The following NCAPG2 variants were observed in gnomAD, a reference collection of about 807,000 sequenced individuals.
NCAPG2 encodes condensin-2 complex subunit G2.
NCAPG2 carries 53 observed loss-of-function variants against 141.1 expected under a neutral mutation model. The ratio of observed to expected loss-of-function variants is 0.38; its 90% CI spans 0.30 to 0.47. NCAPG2 has a LOEUF of 0.47. NCAPG2 is among the 20% of genes least tolerant of loss of function. The pLI is 0.99. For missense variants in NCAPG2, 1,087 were observed against 1,389.0 expected (o/e 0.78, Z 3.46); for synonymous variants, 499 against 490.7 (o/e 1.02, Z -0.22).
chr7:158,653,378 TA>T (rs1554553485), intron 22 of NCAPG2, among the ~76,000 whole-genome samples: 48 of 38,142 alleles, frequency 1.3e-3, no homozygotes, highest in East Asian at 7.5e-3. Flanking sequence ...AAAAAAAAAA[TA>T]AAAAAAAAAA....
chr7:158,631,766 T>C, intron 27 of NCAPG2, 49 bp from the exon 28 acceptor site: 1 of 1,407,636 alleles, frequency 7.1e-7, no homozygotes. Context: ...AGTGACCAAA[T>C]TATCCAAATG....
In NCAPG2 at chr7:158,649,648, T is replaced by G. The variant is rs549707960; in HGVS notation, c.3075+1184A>C. Among the ~76,000 whole-genome samples, 6 of 152,360 alleles carry G rather than the reference T, an allele frequency of 3.9e-5. No individual in the cohort carries two copies. The South Asian group carries it at 1.2e-3, about 32-fold the overall frequency. On this transcript the variant is annotated intron_variant, in intron 24 of 27. Transcript: ENST00000356309. Reference sequence around the variant, plus strand: ...CTCCCTTCAAGCTTTAAGGAAGGCCTTAAATTCTATTTGATGTTTTAGAAT... The same window carrying G: ...CTCCCTTCAAGCTTTAAGGAAGGCCGTAAATTCTATTTGATGTTTTAGAAT...
chr7:158,683,998 G>A (rs1338322573), intron 8 of NCAPG2, among the ~76,000 whole-genome samples: 1 of 152,194 alleles, frequency 6.6e-6, no homozygotes, highest in African/African-American at 2.4e-5. Flanking sequence ...CCTGTACTCT[G>A]TGCCCACCCT....
Position 158,633,903 on chromosome 7 carries a change from C to G in NCAPG2, c.3381-2186G>C, listed in dbSNP as rs1463953337. On this transcript the variant is annotated intron_variant, in intron 27 of 27. Transcript: ENST00000356309. This position sits in a 1 kb window ranked among gnomAD's most constrained non-coding sequence, Gnocchi z 4.1. ...GTAGCTGGGACTATGGTGCACACCA[C>G]CACACCCAGCAGATTTTTTTGTATT... Among the ~76,000 whole-genome samples, 1 of 152,054 alleles carries G rather than the reference C, an allele frequency of 6.6e-6. No homozygotes were observed. Among genetic ancestry groups the G allele is most frequent in the East Asian group, 1.9e-4 (1 of 5,186 alleles).
At position 158,635,812 on chromosome 7, in the gene NCAPG2, A is replaced by G. The variant is rs140862429; in HGVS notation, c.3381-4095T>C. Among the ~76,000 whole-genome samples, 801 of 152,328 alleles carry G rather than the reference A, an allele frequency of 5.3e-3. 3 individuals are homozygous for G. The highest frequency in any genetic ancestry group is 0.014 in the Middle Eastern group (4 of 294). On this transcript the variant is annotated intron_variant, in intron 27 of 27. Coordinates refer to ENST00000356309, the MANE Select transcript of NCAPG2 (RefSeq NM_017760.7). The stretch of plus-strand genomic sequence containing the variant: ...TTTAAATCAAGCTCCACTGCCTAAA[A>G]TATTAATTGGAGCAAGGGGTTCCCA...
rs1252785283 is a variant in NCAPG2 at position 158,701,806 on chromosome 7, A to G, written c.78+16T>C. ...CACAGTCAAAAATCACAACAAAACT[A>G]AAACATGAAACTTACATCAAGTTGA... On this transcript the variant is annotated intron_variant, in intron 2 of 27. Coordinates refer to ENST00000356309, the MANE Select transcript of NCAPG2 (RefSeq NM_017760.7). 6.2e-7 allele frequency: 1 copy of G among 1,604,952 alleles called. No homozygotes were observed. The highest frequency in any genetic ancestry group is 1.3e-5 in the African/African-American group (1 of 74,680).
intron 13 of NCAPG2, chr7:158,668,510 C>G: frequency 1.2e-6 from 1 of 817,514 alleles, no homozygotes; most frequent in Non-Finnish European, 1.5e-6. Context: ...ACAAAGAAAA[C>G]AATATGATGT....
chr7:158,693,395 C>G lies in NCAPG2; in HGVS notation c.181G>C (p.Val61Leu). The change falls in exon 3 of 28, where the codon GTG becomes CTG. Residue 61 changes from valine to leucine, a missense_variant. Val to Leu is a conservative substitution (Grantham distance 32, BLOSUM62 1). Transcript: ENST00000356309. ...CCATCCACTGGGCTTTCTAACAACA[C>G]ATCTGTCAATAAATTCTTCAGCCTT... ...WQRLKNLLTD[V>L]LLESPVDGWQ... 1 of 1,614,188 alleles carries G rather than the reference C, an allele frequency of 6.2e-7. No individual in the cohort carries two copies. Among genetic ancestry groups the G allele is most frequent in the Non-Finnish European group, 8.5e-7 (1 of 1,180,002 alleles).
intron 26 of NCAPG2, among the ~76,000 whole-genome samples, 180 bp from the exon 27 acceptor site, chr7:158,644,568 C>CA (rs1214415388): frequency 6.6e-6 from 1 of 152,172 alleles, no homozygotes; most frequent in African/African-American, 2.4e-5. Context: ...TTGTAAAGAT[C>CA]AAACAAACGT....
intron 13 of NCAPG2, among the ~76,000 whole-genome samples, chr7:158,666,541 A>T (rs983690168): frequency 5.9e-5 from 9 of 151,506 alleles, no homozygotes; most frequent in African/African-American, 2.2e-4. Context: ...ACAAGATCAT[A>T]GCACTTTTAT....
chr7:158,685,913 A>T (rs1389134571), intron 8 of NCAPG2, among the ~76,000 whole-genome samples: 1 of 152,188 alleles, frequency 6.6e-6, no homozygotes, highest in Non-Finnish European at 1.5e-5. Flanking sequence ...CAGACTGGCC[A>T]CGTTCCAAAT....
intron 9 of NCAPG2, among the ~76,000 whole-genome samples, chr7:158,681,233 T>C (rs140952627): frequency 6.6e-6 from 1 of 152,296 alleles, no homozygotes; most frequent in East Asian, 1.9e-4. Flanking sequence ...ATTACCAACA[T>C]GTGGTAACTG....
intron 17 of NCAPG2, among the ~76,000 whole-genome samples, chr7:158,657,153 T>C (rs1010259984): frequency 6.6e-6 from 1 of 152,192 alleles, no homozygotes; most frequent in Non-Finnish European, 1.5e-5. Context: ...ACAAATGTAA[T>C]TAAAAATTTT....
chr7:158,644,211 G>A, intron 27 of NCAPG2, 78 bp downstream of exon 27: 76 of 1,248,884 alleles, frequency 6.1e-5, no homozygotes, highest in Non-Finnish European at 8.6e-5. Context: ...TAGCAGAAAT[G>A]AAAATACAAC....
rs1336572560 is a variant in NCAPG2 at position 158,656,447 on chromosome 7, G to C, written c.2215-14C>G. On this transcript the variant is annotated splice_polypyrimidine_tract_variant and intron_variant, in intron 18 of 27. Coordinates refer to ENST00000356309, the MANE Select transcript of NCAPG2 (RefSeq NM_017760.7). ...AGCTGTGTTGCTCTGAAAGAAGAGA[G>C]AGAGAAACTGATAATGAAAACACAC... The C allele has an allele frequency of 6.2e-7, 1 of 1,612,124 alleles. No homozygotes were observed. The highest frequency in any genetic ancestry group is 1.1e-5 in the South Asian group (1 of 90,810).
At chr7:158,673,327 C>T (rs572984895) in intron 12 of NCAPG2, among the ~76,000 whole-genome samples, 4 of 152,288 alleles carry the variant, frequency 2.6e-5, no homozygotes, top group Admixed American at 6.5e-5. Context: ...GTTGCTATGA[C>T]GTACAACCAA....
In NCAPG2 at chr7:158,650,965, T is replaced by A; in HGVS notation, c.2942A>T (p.Tyr981Phe). 2 of 1,579,418 alleles carry A rather than the reference T, an allele frequency of 1.3e-6. No homozygotes were observed. The highest frequency in any genetic ancestry group is 1.7e-6 in the Non-Finnish European group (2 of 1,169,548). Residue 981 changes from tyrosine to phenylalanine, a missense_variant, in exon 24 of 28, where the codon TAT (tyrosine) becomes TTT (phenylalanine). Coordinates refer to ENST00000356309, the MANE Select transcript of NCAPG2 (RefSeq NM_017760.7). The stretch of plus-strand genomic sequence containing the variant: ...CTCATGAAGAGGCCTCTGAACAGAA[T>A]AAAGCAGCTACAAGAAAACACATAC... ...KQPEEGLRLL[Y>F]SVQRPLHEFI...
At chr7:158,644,835 G>C (rs1830892365) in intron 26 of NCAPG2, among the ~76,000 whole-genome samples, 1 of 152,144 alleles carries the variant, frequency 6.6e-6, no homozygotes. Context: ...AACCAGTTAA[G>C]GAGTATTCTT....
intron 27 of NCAPG2, among the ~76,000 whole-genome samples, chr7:158,641,748 C>G (rs1224446003): frequency 1.3e-5 from 2 of 152,084 alleles, no homozygotes; most frequent in Admixed American, 6.5e-5. Flanking sequence ...AACAACAGAG[C>G]ATCAAACTGT....
Sources: allele counts gnomAD v4.1 joint callset (sites outside exome capture counted in the v4.1 genomes callset), GRCh38; gene constraint gnomAD v4.1.1; non-coding constraint Gnocchi (gnomAD v3.1); transcripts MANE v1.5; gene names NCBI Gene and HGNC (gene_info 2026-07-23, HGNC 2026-07-21).